AXDND1: variants seen among roughly 807,000 people sequenced by gnomAD.
AXDND1 encodes the protein axonemal dynein light chain domain containing 1.
AXDND1 carries 110 observed loss-of-function variants against 137.5 expected under a neutral mutation model. That is an observed-to-expected ratio of 0.80 (90% CI 0.69 to 0.94). The LOEUF (loss-of-function observed/expected upper bound fraction) is 0.94, where lower values mean the gene tolerates loss of function less well. Ranked by LOEUF, AXDND1 falls within the 40% of genes least tolerant of loss-of-function variation. The pLI, the probability that AXDND1 is intolerant of heterozygous loss-of-function variation, is 0.00. For missense variants in AXDND1, 1,191 were observed against 1,169.8 expected (o/e 1.02, Z -0.26); for synonymous variants, 414 against 399.7 (o/e 1.04, Z -0.43).
intron 21 of AXDND1, among the ~76,000 whole-genome samples, chr1:179,515,170 T>C (rs1264018915): frequency 6.6e-6 from 1 of 152,186 alleles, no homozygotes; most frequent in Admixed American, 6.6e-5. Context: ...TTTTTTTGTT[T>C]TATAAGTCCT....
chr1:179,509,406 A>G lies in AXDND1; in HGVS notation c.2496+3A>G. On this transcript the variant is annotated splice_donor_region_variant and intron_variant, in intron 21 of 25. Coordinates refer to ENST00000367618, the MANE Select transcript of AXDND1 (RefSeq NM_144696.6). ...AAATAGAGCGGCTACTTGAAGAGGT[A>G]TTTGCCACATGTTAGCGTTGGTCAT... 10 of 1,555,988 alleles carry G rather than the reference A, an allele frequency of 6.4e-6. No homozygotes were observed. The highest frequency in any genetic ancestry group is 8.9e-6 in the Non-Finnish European group (10 of 1,128,076).
chr1:179,503,327 A>C (rs1179061011), intron 20 of AXDND1, among the ~76,000 whole-genome samples: 1 of 152,040 alleles, frequency 6.6e-6, no homozygotes. Flanking sequence ...AAAACTGTTT[A>C]AAAACTTTTA....
intron 20 of AXDND1, among the ~76,000 whole-genome samples, chr1:179,499,738 G>T (rs1667807545): frequency 6.6e-6 from 1 of 152,082 alleles, no homozygotes; most frequent in South Asian, 2.1e-4. Context: ...AAGACAAAAA[G>T]ATGCAAAAAA....
At chr1:179,381,873 T>C (rs1171585020) in intron 6 of AXDND1, among the ~76,000 whole-genome samples, 3 of 150,854 alleles carry the variant, frequency 2.0e-5, no homozygotes, top group Non-Finnish European at 3.0e-5. Context: ...CTCCACCTCC[T>C]GGGTTTAAGC....
intron 12 of AXDND1, among the ~76,000 whole-genome samples, chr1:179,418,692 A>C (rs1215876822): frequency 8.7e-5 from 13 of 148,928 alleles, no homozygotes; most frequent in Non-Finnish European, 1.3e-4. Context: ...TCCCTCCCGG[A>C]CGGGGCGGCT....
intron 12 of AXDND1, among the ~76,000 whole-genome samples, chr1:179,420,829 C>T (rs768795840): frequency 2.0e-5 from 3 of 151,944 alleles, no homozygotes; most frequent in Non-Finnish European, 4.4e-5. Context: ...CCATGTTGGC[C>T]AGGCTGGTCT....
chr1:179,523,350 A>G (rs561817501), intron 21 of AXDND1, among the ~76,000 whole-genome samples: 15 of 152,194 alleles, frequency 9.9e-5, no homozygotes, highest in African/African-American at 3.4e-4. Flanking sequence ...TATGTGTACA[A>G]TGTGGAGTGG....
chr1:179,527,966 GC>G (rs1465626680), intron 22 of AXDND1, among the ~76,000 whole-genome samples: 2 of 152,078 alleles, frequency 1.3e-5, no homozygotes, highest in African/African-American at 4.8e-5. Flanking sequence ...TAGGAAGAAG[GC>G]ATGACCCTTT....
rs1263854195 is a variant in AXDND1, at chr1:179,417,969, TA to T, written c.1230+6704del. On this transcript the variant is annotated intron_variant, in intron 12 of 25. Coordinates refer to ENST00000367618, the MANE Select transcript of AXDND1 (RefSeq NM_144696.6). ...ATATTATTTATTGCTATTTTATTTT[TA>T]TTTATTTATTTTTATTTTATTTATT... Among the ~76,000 whole-genome samples, 95 of 150,890 alleles carry T rather than the reference TA, an allele frequency of 6.3e-4. 1 individual carries two copies. Among genetic ancestry groups the T allele is most frequent in the Middle Eastern group, 3.4e-3 (1 of 294 alleles).
intron 9 of AXDND1, among the ~76,000 whole-genome samples, chr1:179,390,385 A>C (rs1166806362): frequency 6.6e-6 from 1 of 152,178 alleles, no homozygotes; most frequent in Non-Finnish European, 1.5e-5. Context: ...GATCACTTCC[A>C]AATATTTTGT....
At chr1:179,415,038 A>G (rs1338014680) in intron 12 of AXDND1, among the ~76,000 whole-genome samples, 6 of 152,318 alleles carry the variant, frequency 3.9e-5, no homozygotes, top group African/African-American at 7.2e-5. Context: ...CGATTATTCA[A>G]TTGTTAAAAA....
At chr1:179,421,696 T>C (rs114195101) in intron 12 of AXDND1, among the ~76,000 whole-genome samples, 89 of 152,114 alleles carry the variant, frequency 5.9e-4, no homozygotes, top group Non-Finnish European at 1.1e-3. Flanking sequence ...ATCTTTTTTC[T>C]TATTTAGTCT....
At chr1:179,526,665 G>T (rs1400632563) in intron 22 of AXDND1, among the ~76,000 whole-genome samples, 1 of 152,162 alleles carries the variant, frequency 6.6e-6, no homozygotes, top group Non-Finnish European at 1.5e-5. Flanking sequence ...TGCACAGGCA[G>T]GACAACAGAA....
intron 21 of AXDND1, 60 bp from the exon 22 acceptor site, chr1:179,525,274 A>G: frequency 6.7e-7 from 1 of 1,488,782 alleles, no homozygotes; most frequent in South Asian, 1.3e-5. Flanking sequence ...AAATATTTTG[A>G]ACAAATAATT....
chr1:179,401,350 C>T (rs1227660365), intron 11 of AXDND1, among the ~76,000 whole-genome samples: 1 of 151,200 alleles, frequency 6.6e-6, no homozygotes, highest in Non-Finnish European at 1.5e-5. Context: ...CAAGTTTTTC[C>T]AAAATACATT....
chr1:179,409,080 G>A (rs984697326), intron 11 of AXDND1, among the ~76,000 whole-genome samples: 1 of 146,454 alleles, frequency 6.8e-6, no homozygotes, highest in East Asian at 2.0e-4. Context: ...TGAATTCTTC[G>A]ATTCACTAGT....
At chr1:179,495,971 T>C (rs1403508597) in intron 20 of AXDND1, among the ~76,000 whole-genome samples, 1 of 150,734 alleles carries the variant, frequency 6.6e-6, no homozygotes, top group Non-Finnish European at 1.5e-5. Context: ...ATTGAGATGC[T>C]CGTGAGTTGT....
chr1:179,389,085 C>T (rs189803112), intron 9 of AXDND1, among the ~76,000 whole-genome samples: 75 of 144,036 alleles, frequency 5.2e-4, no homozygotes, highest in African/African-American at 1.6e-3. Context: ...GTGATTCTCC[C>T]GCCTCAGCCT....
intron 21 of AXDND1, among the ~76,000 whole-genome samples, chr1:179,514,800 C>CA (rs1207055942): frequency 2.0e-5 from 3 of 152,122 alleles, no homozygotes; most frequent in Admixed American, 2.0e-4. Flanking sequence ...TGGACAAGGC[C>CA]TTTACCATTA....
Sources: allele counts gnomAD v4.1 joint callset (sites outside exome capture counted in the v4.1 genomes callset), GRCh38; gene constraint gnomAD v4.1.1; transcripts MANE v1.5; gene names NCBI Gene and HGNC (gene_info 2026-07-23, HGNC 2026-07-21).